The following SLF1 variants were observed in gnomAD, a reference collection of about 807,000 sequenced individuals.
The protein encoded by SLF1 is SMC5-SMC6 complex localization factor protein 1.
In SLF1, 105 loss-of-function variants were observed where a neutral mutation model predicts 123.0. The ratio of observed to expected loss-of-function variants is 0.85; its 90% CI spans 0.73 to 1.00. The LOEUF (loss-of-function observed/expected upper bound fraction) is 1.00, where lower values mean the gene tolerates loss of function less well. SLF1 is among the 50% of genes least tolerant of loss of function. The pLI is 0.00. For synonymous variants in SLF1, 434 were observed against 406.6 expected, an observed-to-expected ratio of 1.07 and a Z score of -0.81; for missense variants, 1,239 against 1,223.0, an observed-to-expected ratio of 1.01 and a Z score of -0.20.
At chr5:94,649,337 A>C in intron 5 of SLF1, 117 bp from the exon 6 acceptor site, 1 of 843,388 alleles carries the variant, frequency 1.2e-6, no homozygotes, top group Non-Finnish European at 1.7e-6. Flanking sequence ...AAGAGGGTGC[A>C]TTTTACCTAC....
chr5:94,624,525 G>A (rs1167415632), intron 1 of SLF1, among the ~76,000 whole-genome samples: 2 of 152,088 alleles, frequency 1.3e-5, no homozygotes, highest in Non-Finnish European at 2.9e-5. Context: ...ACATTAAAAT[G>A]TTACCTTATT....
intron 14 of SLF1, among the ~76,000 whole-genome samples, chr5:94,672,438 C>T (rs1750577555): frequency 6.6e-6 from 1 of 151,604 alleles, no homozygotes; most frequent in Admixed American, 6.6e-5. Context: ...TATCTCCCTC[C>T]CTTTCTCTCT....
chr5:94,645,369 A>T (rs1225583401), intron 5 of SLF1, among the ~76,000 whole-genome samples: 1 of 152,160 alleles, frequency 6.6e-6, no homozygotes, highest in Non-Finnish European at 1.5e-5. Flanking sequence ...ACAACACTGA[A>T]ACCTGTTTTA....
intron 9 of SLF1, among the ~76,000 whole-genome samples, chr5:94,660,968 C>T (rs1749031334): frequency 6.6e-6 from 1 of 152,196 alleles, no homozygotes; most frequent in Middle Eastern, 3.4e-3. Context: ...ATTGTTGACT[C>T]CAGCTGGCAT....
intron 10 of SLF1, among the ~76,000 whole-genome samples, chr5:94,662,931 G>A (rs1749305006): frequency 6.6e-6 from 1 of 152,256 alleles, no homozygotes; most frequent in African/African-American, 2.4e-5. Flanking sequence ...GTTTGACCAA[G>A]GGGAATGTAT....
intron 18 of SLF1, among the ~76,000 whole-genome samples, chr5:94,690,836 C>T (rs1007263737): frequency 4.0e-5 from 6 of 151,498 alleles, no homozygotes; most frequent in Admixed American, 3.3e-4. Flanking sequence ...TTAATTGCGT[C>T]TCTCCTAGAA....
At chr5:94,630,402 G>A in intron 3 of SLF1, 101 bp from the exon 4 acceptor site, 1 of 1,323,734 alleles carries the variant, frequency 7.6e-7, no homozygotes, top group Non-Finnish European at 1.0e-6. Flanking sequence ...TAGCTTAAGA[G>A]TCTTATCTTG....
intron 9 of SLF1, among the ~76,000 whole-genome samples, chr5:94,660,809 A>T (rs1749011639): frequency 6.6e-6 from 1 of 152,194 alleles, no homozygotes; most frequent in Non-Finnish European, 1.5e-5. Flanking sequence ...TCTGCCAGTG[A>T]CAGAGGCCCC....
At chr5:94,626,394 A>T (rs1165371051) in intron 1 of SLF1, among the ~76,000 whole-genome samples, 1 of 152,186 alleles carries the variant, frequency 6.6e-6, no homozygotes, top group Non-Finnish European at 1.5e-5. Context: ...ATGTGCACTT[A>T]AAAATTTTAT....
intron 15 of SLF1, among the ~76,000 whole-genome samples, chr5:94,684,647 G>A (rs528408147): frequency 2.9e-5 from 4 of 136,718 alleles, no homozygotes; most frequent in South Asian, 4.6e-4. Flanking sequence ...GCAGTGAGCC[G>A]AGATCACGCC....
intron 6 of SLF1, 58 bp downstream of exon 6, chr5:94,649,655 G>C (rs999639357): frequency 7.5e-7 from 1 of 1,334,920 alleles, no homozygotes; most frequent in African/African-American, 1.5e-5. Flanking sequence ...AATTGTTTAA[G>C]AGGCAAAGTA....
intron 4 of SLF1, among the ~76,000 whole-genome samples, chr5:94,639,037 C>CT (rs764031689): frequency 0.039 from 3,493 of 88,868 alleles, 335 homozygotes; most frequent in African/African-American, 0.095. Context: ...CTTTTCTTCC[C>CT]TTTTTTTTTT....
intron 4 of SLF1, among the ~76,000 whole-genome samples, chr5:94,640,745 C>G (rs545026508): frequency 2.6e-5 from 4 of 152,146 alleles, no homozygotes; most frequent in Admixed American, 2.0e-4. Flanking sequence ...CAGTTGTGTT[C>G]AGTCTGCAGA....
chr5:94,691,975 C>G, intron 19 of SLF1, 99 bp from the exon 20 acceptor site: 1 of 1,124,114 alleles, frequency 8.9e-7, no homozygotes, highest in Non-Finnish European at 1.2e-6. Flanking sequence ...ATATGAAGCA[C>G]CTAGAAAGTC....
chr5:94,630,380 A>G, intron 3 of SLF1, 123 bp from the exon 4 acceptor site: 1 of 1,164,052 alleles, frequency 8.6e-7, no homozygotes, highest in Non-Finnish European at 1.2e-6. Context: ...TTCAAAGATA[A>G]TGTTAGCAGC....
chr5:94,670,917 G>A lies in SLF1; in HGVS notation c.1736G>A (p.Gly579Glu). Reference sequence around the variant, plus strand: ...ATGCTTCTTGAAATTTTTTGGTCAGGAAGTGAAACCTCTGGGCTTTTGACC... The same window carrying A: ...ATGCTTCTTGAAATTTTTTGGTCAGAAAGTGAAACCTCTGGGCTTTTGACC... ...KAMLLEIFWSGSETSGLLTKP... is the reference protein window; with the variant it reads ...KAMLLEIFWSESETSGLLTKP... Residue 579 changes from glycine (G) to glutamate (E), a missense_variant, in exon 14 of 21, where the codon GGA becomes GAA. By Grantham distance (98) the Gly-to-Glu change is moderately conservative. Coordinates refer to ENST00000265140, the MANE Select transcript of SLF1 (RefSeq NM_032290.4). 1 of 1,550,096 alleles carries A rather than the reference G, an allele frequency of 6.5e-7. No homozygotes were observed.
At chr5:94,622,443 G>A (rs190189873) in intron 1 of SLF1, among the ~76,000 whole-genome samples, 455 of 152,038 alleles carry the variant, frequency 3.0e-3, no homozygotes, top group Non-Finnish European at 5.1e-3. Flanking sequence ...TAAGTGGCAT[G>A]GAAAAATGAT....
At chr5:94,625,201 A>AG (rs1792124879) in intron 1 of SLF1, among the ~76,000 whole-genome samples, 1 of 142,922 alleles carries the variant, frequency 7.0e-6, no homozygotes, top group Admixed American at 7.3e-5. Context: ...TCAAAAAAAA[A>AG]AAAAAAAATA....
intron 5 of SLF1, among the ~76,000 whole-genome samples, chr5:94,648,666 G>A (rs978230271): frequency 7.9e-5 from 12 of 152,148 alleles, no homozygotes; most frequent in Admixed American, 7.9e-4. Context: ...ATTTTTAGTA[G>A]CGATGGGGTT....
Sources: allele counts gnomAD v4.1 joint callset (sites outside exome capture counted in the v4.1 genomes callset), GRCh38; gene constraint gnomAD v4.1.1; transcripts MANE v1.5; gene names NCBI Gene and HGNC (gene_info 2026-07-23, HGNC 2026-07-21).